KHDRBS2: variants seen among roughly 807,000 people sequenced by gnomAD.
KHDRBS2 encodes the protein KH RNA binding domain containing, signal transduction associated 2, also known as KH domain-containing, RNA-binding, signal transduction-associated protein 2.
A neutral mutation model predicts 44.3 loss-of-function variants in KHDRBS2; 26 were observed. The observed-to-expected ratio is 0.59, with a 90% CI of 0.43 to 0.81. The LOEUF is 0.81. KHDRBS2 is among the 40% of genes least tolerant of loss of function. The pLI is 0.00. For synonymous variants in KHDRBS2, 194 were observed against 151.1 expected (o/e 1.28, Z -2.08); for missense variants, 476 against 433.1 (o/e 1.10, Z -0.88).
At chr6:61,778,695 T>C (rs1214204122) in intron 6 of KHDRBS2, among the ~76,000 whole-genome samples, 1 of 152,186 alleles carries the variant, frequency 6.6e-6, no homozygotes. Flanking sequence ...GCATCTTCTT[T>C]TGCTCTTCCA....
At chr6:61,871,160 A>G (rs982113204) in intron 6 of KHDRBS2, among the ~76,000 whole-genome samples, 4 of 152,228 alleles carry the variant, frequency 2.6e-5, no homozygotes, top group Non-Finnish European at 4.4e-5. Flanking sequence ...AGAGAGGAAC[A>G]TAAATGACCT....
At chr6:61,603,030 C>A in the KHDRBS2 span, among the ~76,000 whole-genome samples, 1 of 152,112 alleles carries the variant, frequency 6.6e-6, no homozygotes, top group African/African-American at 2.4e-5. Context: ...TCCTTGGCAA[C>A]AGATGATGCA....
chr6:62,270,440 T>C (rs979145265), intron 1 of KHDRBS2, among the ~76,000 whole-genome samples: 1 of 151,178 alleles, frequency 6.6e-6, no homozygotes, highest in Non-Finnish European at 1.5e-5. Flanking sequence ...GCTGGTATTA[T>C]GCTTCCTGTG....
the KHDRBS2 span, among the ~76,000 whole-genome samples, chr6:61,598,943 G>A: frequency 7.9e-6 from 1 of 126,022 alleles, no homozygotes; most frequent in Non-Finnish European, 1.7e-5. Flanking sequence ...GCTTGTTTTT[G>A]TTTCTTTTGA....
At chr6:62,171,285 TACAA>T (rs1419956344) in intron 2 of KHDRBS2, among the ~76,000 whole-genome samples, 3 of 151,740 alleles carry the variant, frequency 2.0e-5, no homozygotes, top group Non-Finnish European at 2.9e-5. Flanking sequence ...AATTTAATAA[TACAA>T]TCACAAGTAT....
rs551859092 is a variant in KHDRBS2 at position 61,769,358 on chromosome 6, C to T, written c.811-36594G>A. Among the ~76,000 whole-genome samples, 8 of 152,244 alleles carry T rather than the reference C, an allele frequency of 5.3e-5. No individual in the cohort carries two copies. In the South Asian group the frequency reaches 6.2e-4, roughly 12 times the overall value. On this transcript the variant is annotated intron_variant, in intron 6 of 8. Transcript: ENST00000281156. Reference sequence around the variant, plus strand: ...GCACTGTGCACGAGCTGAAGCAGGACGAGGCATCACCTCACCTGGAAAGCA... The same window carrying T: ...GCACTGTGCACGAGCTGAAGCAGGATGAGGCATCACCTCACCTGGAAAGCA...
In KHDRBS2 at chr6:61,814,278, A is replaced by T. The variant is rs1214007724; in HGVS notation, c.810+80357T>A. Among the ~76,000 whole-genome samples the T allele has an allele frequency of 2.0e-5, 3 of 152,196 alleles. No individual in the cohort carries two copies. The East Asian group carries it at 5.8e-4, about 29-fold the overall frequency. ...ATTCATTATGACTGAAATTAAAATA[A>T]ATGAACACACCCCAATCTAAGAACT... On this transcript the variant is annotated intron_variant, in intron 6 of 8. Coordinates refer to ENST00000281156, the MANE Select transcript of KHDRBS2 (RefSeq NM_152688.4).
chr6:61,545,698 C>A, the KHDRBS2 span, among the ~76,000 whole-genome samples: 4 of 152,126 alleles, frequency 2.6e-5, no homozygotes, highest in East Asian at 3.9e-4. Flanking sequence ...GTCTCCCCCA[C>A]CCCAAAATTT....
At chr6:61,932,114 T>TC (rs1161759639) in intron 4 of KHDRBS2, among the ~76,000 whole-genome samples, 1 of 152,184 alleles carries the variant, frequency 6.6e-6, no homozygotes, top group Non-Finnish European at 1.5e-5. Context: ...GTAGGCTATT[T>TC]GTAGTTAAGT....
chr6:62,127,277 G>A (rs1304159715), intron 2 of KHDRBS2, among the ~76,000 whole-genome samples: 1 of 152,104 alleles, frequency 6.6e-6, no homozygotes, highest in Admixed American at 6.6e-5. Flanking sequence ...TGTTACCAAT[G>A]TTGCTTCAAT....
At chr6:61,822,464 C>T (rs1790075658) in intron 6 of KHDRBS2, among the ~76,000 whole-genome samples, 1 of 151,910 alleles carries the variant, frequency 6.6e-6, no homozygotes, top group Non-Finnish European at 1.5e-5. Flanking sequence ...CATTTTCTAT[C>T]ATCTTCATCA....
At chr6:62,145,480 T>C (rs913887533) in intron 2 of KHDRBS2, among the ~76,000 whole-genome samples, 3 of 151,918 alleles carry the variant, frequency 2.0e-5, no homozygotes, top group African/African-American at 7.2e-5. Context: ...GTATCATATC[T>C]TTTTCTAGGT....
At chr6:62,052,384 A>T (rs1266887793) in intron 2 of KHDRBS2, among the ~76,000 whole-genome samples, 1 of 151,948 alleles carries the variant, frequency 6.6e-6, no homozygotes, top group African/African-American at 2.4e-5. Context: ...CAAAAAGAAA[A>T]ATATGGATGA....
At chr6:61,943,408 A>G (rs1812553023) in intron 4 of KHDRBS2, among the ~76,000 whole-genome samples, 1 of 152,124 alleles carries the variant, frequency 6.6e-6, no homozygotes, top group South Asian at 2.1e-4. Flanking sequence ...ATGAAAAGAA[A>G]AAAAGGAACA....
intron 1 of KHDRBS2, among the ~76,000 whole-genome samples, chr6:62,259,527 C>A (rs1049189516): frequency 6.6e-6 from 1 of 151,698 alleles, no homozygotes; most frequent in African/African-American, 2.4e-5. Context: ...CACCCTTGTA[C>A]ATAAATAATA....
chr6:61,670,059 T>G, the KHDRBS2 span, among the ~76,000 whole-genome samples: 1 of 151,286 alleles, frequency 6.6e-6, no homozygotes, highest in South Asian at 2.1e-4. Context: ...TATAAACCAA[T>G]CTATTAACAG....
chr6:61,881,176 G>A (rs1282408159), intron 6 of KHDRBS2, among the ~76,000 whole-genome samples: 5 of 151,870 alleles, frequency 3.3e-5, no homozygotes, highest in Non-Finnish European at 7.4e-5. Context: ...ATCCACATGG[G>A]TGCCAGATGA....
the KHDRBS2 span, among the ~76,000 whole-genome samples, chr6:61,607,519 G>GCAAAAAAAAAAAAAAAAA: frequency 4.3e-5 from 1 of 23,322 alleles, no homozygotes; most frequent in African/African-American, 1.5e-4. Context: ...TGAGTTCCAA[G>GCAAAAAAAAAAAAAAAAA]CAAAAAAAAA....
intron 4 of KHDRBS2, among the ~76,000 whole-genome samples, chr6:61,917,548 T>A (rs1157712530): frequency 2.6e-5 from 4 of 151,908 alleles, no homozygotes; most frequent in Non-Finnish European, 4.4e-5. Context: ...CTATTCTATA[T>A]GATACTATAA....
Sources: allele counts gnomAD v4.1 joint callset (sites outside exome capture counted in the v4.1 genomes callset), GRCh38; gene constraint gnomAD v4.1.1; transcripts MANE v1.5; gene names NCBI Gene and HGNC (gene_info 2026-07-23, HGNC 2026-07-21).